Variants in UBTD1 observed in about 807,000 individuals in gnomAD.
The protein encoded by UBTD1 is ubiquitin domain-containing protein 1.
Under a neutral mutation model 21.7 loss-of-function variants are expected in UBTD1, and 19 were observed. The observed-to-expected ratio is 0.87, with a 90% confidence interval of 0.61 to 1.28. The LOEUF is 1.28. UBTD1 is among the 50% of genes most tolerant of loss of function. The pLI is 0.00. For synonymous variants in UBTD1, 116 were observed against 135.1 expected (o/e 0.86, Z 0.98); for missense variants, 282 against 315.1 (o/e 0.89, Z 0.80).
Position 97,498,950 on chromosome 10 carries a change from C to A in UBTD1, c.-254C>A, listed in dbSNP as rs1000646784. On this transcript the variant is annotated 5_prime_UTR_variant, in exon 1 of 3. Coordinates refer to ENST00000370664, the MANE Select transcript of UBTD1 (RefSeq NM_024954.5). ...TCTCCGCCCCTCCAGCGGAGCTGGT[C>A]TCCGGCCGGGCACCGTCGCGGGCCC... 5 of 437,868 alleles carry A rather than the reference C, an allele frequency of 1.1e-5. No individual in the cohort carries two copies. Among genetic ancestry groups the A allele is most frequent in the Non-Finnish European group, 2.0e-5 (5 of 249,154 alleles). 27.1% of individuals were successfully genotyped at this position (437,868 alleles called of 1,614,324 possible).
chr10:97,535,944 A>G (rs1204557615), intron 1 of UBTD1, among the ~76,000 whole-genome samples: 1 of 142,234 alleles, frequency 7.0e-6, no homozygotes, highest in East Asian at 2.0e-4. Context: ...AAATTAATGT[A>G]TCACCTACAT....
intron 1 of UBTD1, among the ~76,000 whole-genome samples, chr10:97,514,440 T>C (rs1038703485): frequency 7.2e-5 from 11 of 152,210 alleles, no homozygotes; most frequent in Non-Finnish European, 1.5e-4. Flanking sequence ...CCTAGAGTTG[T>C]TGGGGACACA....
Position 97,551,575 on chromosome 10 carries a change from A to G in UBTD1, c.71-16339A>G, listed in dbSNP as rs563092435. On this transcript the variant is annotated intron_variant, in intron 1 of 2. Transcript: ENST00000370664. ...CTTATCTAGGACAGGAGATGTAAGT[A>G]GAAGCTACTAAATGCTCCTGCTGCT... is the stretch of plus-strand genomic sequence containing the variant. Among the ~76,000 whole-genome samples, 33 of 152,276 alleles carry G rather than the reference A, an allele frequency of 2.2e-4. No homozygotes were observed. The East Asian group carries it at 6.2e-3, about 29-fold the overall frequency.
At chr10:97,526,871 A>AG (rs1167815746) in intron 1 of UBTD1, among the ~76,000 whole-genome samples, 1 of 150,356 alleles carries the variant, frequency 6.7e-6, no homozygotes, top group African/African-American at 2.4e-5. Context: ...AAAAAAAAAA[A>AG]AAAGAAATGC....
At chr10:97,500,227 C>T (rs1564732881) in intron 1 of UBTD1, among the ~76,000 whole-genome samples, 1 of 152,240 alleles carries the variant, frequency 6.6e-6, no homozygotes, top group South Asian at 2.1e-4. Context: ...CTCTCCCACC[C>T]CATTGCCACA....
At chr10:97,552,882 C>T (rs1034236317) in intron 1 of UBTD1, among the ~76,000 whole-genome samples, 1 of 152,192 alleles carries the variant, frequency 6.6e-6, no homozygotes, top group African/African-American at 2.4e-5. Context: ...TGGCCATGTG[C>T]ATTAGGTTGT....
chr10:97,569,066 G>A (rs1210497053), intron 2 of UBTD1, among the ~76,000 whole-genome samples: 15 of 152,240 alleles, frequency 9.9e-5, no homozygotes, highest in African/African-American at 2.4e-4. Flanking sequence ...CAGGTGATCC[G>A]CCCGCCTTGG....
At chr10:97,554,867 T>A (rs1376457639) in intron 1 of UBTD1, among the ~76,000 whole-genome samples, 1 of 152,170 alleles carries the variant, frequency 6.6e-6, no homozygotes, top group Admixed American at 6.5e-5. Context: ...AGTGAACATT[T>A]TTAAATGTCA....
chr10:97,518,329 C>T (rs1226986010), intron 1 of UBTD1, among the ~76,000 whole-genome samples: 2 of 152,164 alleles, frequency 1.3e-5, no homozygotes, highest in East Asian at 3.9e-4. Context: ...GCCTGGCAGC[C>T]TGGTTCTTTC....
At chr10:97,564,275 G>A (rs192714479) in intron 1 of UBTD1, among the ~76,000 whole-genome samples, 46 of 152,274 alleles carry the variant, frequency 3.0e-4, no homozygotes, top group Admixed American at 5.9e-4. Flanking sequence ...GGTTGGGGCC[G>A]AGCAAGAAAG....
At chr10:97,528,030 A>G (rs1334766851) in intron 1 of UBTD1, among the ~76,000 whole-genome samples, 3 of 149,436 alleles carry the variant, frequency 2.0e-5, no homozygotes, top group African/African-American at 7.4e-5. Flanking sequence ...GCGGCCGGGC[A>G]GAGGCGCCCC....
At chr10:97,551,096 T>C (rs1369552472) in intron 1 of UBTD1, among the ~76,000 whole-genome samples, 1 of 152,222 alleles carries the variant, frequency 6.6e-6, no homozygotes, top group Non-Finnish European at 1.5e-5. Context: ...GCCCAGCCCC[T>C]GTAACTGGTT....
In UBTD1 at chr10:97,512,147, G is replaced by A. The variant is rs75937865; in HGVS notation, c.70+12874G>A. On this transcript the variant is annotated intron_variant, in intron 1 of 2. Transcript: ENST00000370664. ...CGGACTGAATAATACTGGAGTTTCT[G>A]TGGTTGGTTTTTATTTTTTCCAAAT... Among the ~76,000 whole-genome samples the A allele has an allele frequency of 1.6e-3, 241 of 152,316 alleles. 1 individual carries two copies. The highest frequency in any genetic ancestry group is 5.6e-3 in the African/African-American group (234 of 41,556).
At chr10:97,541,651 A>G (rs2040587655) in intron 1 of UBTD1, among the ~76,000 whole-genome samples, 1 of 151,686 alleles carries the variant, frequency 6.6e-6, no homozygotes, top group Admixed American at 6.6e-5. Flanking sequence ...GGATGTGGAA[A>G]CTGTTCCAGA....
intron 1 of UBTD1, among the ~76,000 whole-genome samples, chr10:97,566,451 A>G (rs1427666760): frequency 6.6e-6 from 1 of 152,132 alleles, no homozygotes; most frequent in East Asian, 1.9e-4. Context: ...TTCTGCCCCT[A>G]CAGGTAACTG....
At chr10:97,503,948 T>C (rs959105773) in intron 1 of UBTD1, among the ~76,000 whole-genome samples, 1 of 152,094 alleles carries the variant, frequency 6.6e-6, no homozygotes, top group African/African-American at 2.4e-5. Flanking sequence ...CTAAAAGGCT[T>C]CCTAGTTTAA....
intron 1 of UBTD1, among the ~76,000 whole-genome samples, chr10:97,558,032 G>A (rs973942794): frequency 6.6e-6 from 1 of 152,000 alleles, no homozygotes; most frequent in Non-Finnish European, 1.5e-5. Context: ...CTCATGCTTC[G>A]GCCGTGCGTG....
At chr10:97,553,224 C>T (rs897619726) in intron 1 of UBTD1, among the ~76,000 whole-genome samples, 1 of 152,194 alleles carries the variant, frequency 6.6e-6, no homozygotes, top group South Asian at 2.1e-4. Context: ...CTCCATCTCC[C>T]GGGTTCAGGC....
intron 1 of UBTD1, among the ~76,000 whole-genome samples, chr10:97,552,779 A>G (rs1241846680): frequency 1.3e-5 from 2 of 152,094 alleles, no homozygotes; most frequent in Non-Finnish European, 2.9e-5. Flanking sequence ...TGTATGGTGG[A>G]CGTTTTCCCG....
Sources: allele counts gnomAD v4.1 joint callset (sites outside exome capture counted in the v4.1 genomes callset), GRCh38; gene constraint gnomAD v4.1.1; transcripts MANE v1.5; gene names NCBI Gene and HGNC (gene_info 2026-07-23, HGNC 2026-07-21).